ASMTL: variants seen among roughly 807,000 people sequenced by gnomAD.
ASMTL encodes the protein probable bifunctional dTTP/UTP pyrophosphatase/methyltransferase protein.
A neutral mutation model predicts 60.3 loss-of-function variants in ASMTL; 57 were observed. That is an observed-to-expected ratio of 0.95 (90% confidence interval 0.76 to 1.18). ASMTL has a LOEUF of 1.18. Among genes scored for constraint, ASMTL ranks in the 50% most tolerant of loss-of-function variants. ASMTL has a pLI of 0.00. For missense variants in ASMTL, 981 were observed against 852.6 expected (o/e 1.15, Z -1.88); for synonymous variants, 419 against 373.0 (o/e 1.12, Z -1.42).
intron 2 of ASMTL, chrX:1,441,864 T>A: frequency 3.1e-6 from 1 of 318,018 alleles, no homozygotes. Flanking sequence ...TCATAAATGA[T>A]ACTGTATCAA....
chrX:1,436,552 C>A (rs1266929230), intron 3 of ASMTL, among the ~76,000 whole-genome samples: 1 of 152,140 alleles, frequency 6.6e-6, no homozygotes, highest in African/African-American at 2.4e-5. Context: ...CGGGGTTTCA[C>A]CATGTTGGCC....
chrX:1,444,362 C>T (rs1319031791), intron 1 of ASMTL, among the ~76,000 whole-genome samples: 8 of 151,918 alleles, frequency 5.3e-5, no homozygotes, highest in Non-Finnish European at 1.2e-4. Context: ...GTGGGCGCCA[C>T]CACACCCGGC....
intron 7 of ASMTL, 100 bp downstream of exon 7, chrX:1,427,634 C>T (rs1194106014): frequency 7.5e-7 from 1 of 1,330,342 alleles, no homozygotes; most frequent in African/African-American, 1.5e-5. Context: ...TGACCTCAGA[C>T]TGCCAGCCTC....
chrX:1,439,134 C>T lies in ASMTL; in HGVS notation c.236G>A (p.Arg79Gln), dbSNP rs746554233. 3.7e-5 allele frequency: 59 copies of T among 1,613,882 alleles called. 1 individual carries two copies. Among genetic ancestry groups the T allele is most frequent in the South Asian group, 2.1e-4 (19 of 91,078 alleles). Residue 79 changes from arginine (R) to glutamine (Q), a missense_variant, in exon 3 of 13, where the codon CGG becomes CAG. Arg to Gln is a conservative substitution (Grantham distance 43). Coordinates refer to ENST00000381317, the MANE Select transcript of ASMTL (RefSeq NM_004192.4). ...VANRLYQKDL[R>Q]APDVVIGADT... is the part of the protein sequence containing the mutation. ...CGCTCCAATGACCACGTCGGGGGCC[C>T]GCAGGTCTTTCTGTAAGAAAACCAG...
chrX:1,407,188 C>T (rs763519703), intron 12 of ASMTL, among the ~76,000 whole-genome samples: 2 of 135,608 alleles, frequency 1.5e-5, no homozygotes, highest in Admixed American at 1.5e-4. Context: ...TAGATGGATG[C>T]ATGGATGAGA....
At position 1,435,763 on chromosome X, in the gene ASMTL, G is replaced by A; in HGVS notation, c.274-5C>T. ...CAGAATCAGCCCCCCGACTGTCTGT[G>A]AGAGGAAGGGACAGAGGGAGTTGGT... On this transcript the variant is annotated splice_polypyrimidine_tract_variant and splice_region_variant and intron_variant, in intron 3 of 12. Coordinates refer to ENST00000381317, the MANE Select transcript of ASMTL (RefSeq NM_004192.4). 4 of 1,613,254 alleles carry A rather than the reference G, an allele frequency of 2.5e-6. No homozygotes were observed. Among genetic ancestry groups the A allele is most frequent in the Middle Eastern group, 3.4e-4 (2 of 5,858 alleles).
intron 3 of ASMTL, among the ~76,000 whole-genome samples, chrX:1,438,061 G>T (rs1414993181): frequency 2.0e-4 from 31 of 151,550 alleles, no homozygotes; most frequent in East Asian, 2.0e-4. Context: ...GGCTAAGGTG[G>T]GCAGATCACT....
rs777808259 is a variant in ASMTL at position 1,419,024 on chromosome X, C to T, written c.1336G>A (p.Ala446Thr). 3.7e-6 allele frequency: 6 copies of T among 1,611,726 alleles called. No homozygotes were observed. In the South Asian group the frequency reaches 5.5e-5, roughly 15 times the overall value. ...TKLTACQVAT[A>T]FNLSRFSSAC... ...GAGGAGAAGCGGGACAGATTGAAGG[C>T]CGTGGCCACCTGGCACGCAGTCAGC... is the stretch of plus-strand genomic sequence containing the variant. Residue 446 changes from alanine (A) to threonine (T), a missense_variant, in exon 10 of 13, where the codon GCC becomes ACC. Ala to Thr is a moderately conservative substitution (Grantham distance 58). Coordinates refer to ENST00000381317, the MANE Select transcript of ASMTL (RefSeq NM_004192.4).
chrX:1,417,067 C>CA (rs1421281981), intron 11 of ASMTL, among the ~76,000 whole-genome samples: 24 of 151,506 alleles, frequency 1.6e-4, no homozygotes, highest in African/African-American at 5.8e-4. Context: ...CATATCCACA[C>CA]AGACACACAC....
intron 12 of ASMTL, among the ~76,000 whole-genome samples, chrX:1,411,199 G>C (rs777780293): frequency 7.4e-4 from 103 of 140,014 alleles, no homozygotes; most frequent in African/African-American, 2.4e-3. Context: ...AAAAAAAGAA[G>C]AGAGATACAC....
rs760773939 is a variant in ASMTL at position 1,418,925 on chromosome X, G to A, written c.1378+57C>T. On this transcript the variant is annotated intron_variant, in intron 10 of 12. Coordinates refer to ENST00000381317, the MANE Select transcript of ASMTL (RefSeq NM_004192.4). ...GTTGGTAGGTGTCCTGAGCAGGGAAGATACCTGTGGCTTAATAAACGAAAG... is the reference window on the plus strand; with the variant it reads ...GTTGGTAGGTGTCCTGAGCAGGGAAAATACCTGTGGCTTAATAAACGAAAG... 1.1e-4 allele frequency: 172 copies of A among 1,607,714 alleles called. 1 individual carries two copies. In the African/African-American group the frequency reaches 1.9e-3, roughly 18 times the overall value.
At chrX:1,403,600 C>T in intron 12 of ASMTL, 111 bp from the exon 13 acceptor site, 2 of 996,918 alleles carry the variant, frequency 2.0e-6, no homozygotes, top group Admixed American at 3.9e-5. Context: ...GCAGAGGCTG[C>T]TGAGAACCCT....
intron 11 of ASMTL, 99 bp from the exon 12 acceptor site, chrX:1,412,953 C>G: frequency 7.4e-7 from 1 of 1,358,642 alleles, no homozygotes; most frequent in Non-Finnish European, 1.0e-6. Context: ...AAATCAGGGA[C>G]AGAGAAGAGA....
At chrX:1,411,575 T>TGTGTGTGTGTGCAC (rs2090022388) in intron 12 of ASMTL, among the ~76,000 whole-genome samples, 1 of 128,246 alleles carries the variant, frequency 7.8e-6, no homozygotes, top group South Asian at 2.4e-4. Flanking sequence ...TGGTGCGTGC[T>TGTGTGTGTGTGCAC]GTGTGTGTGT....
At chrX:1,420,960 ATTTT>A (rs57552675) in intron 9 of ASMTL, among the ~76,000 whole-genome samples, 6 of 135,482 alleles carry the variant, frequency 4.4e-5, no homozygotes, top group African/African-American at 5.6e-5. Context: ...CTAATCGTTA[ATTTT>A]TTTTTTTTTT....
At chrX:1,435,891 AAAC>A in intron 3 of ASMTL, 133 bp from the exon 4 acceptor site, 1 of 777,576 alleles carries the variant, frequency 1.3e-6, no homozygotes. Context: ...TCGCCATTTC[AAAC>A]AACTAACCAG....
intron 5 of ASMTL, among the ~76,000 whole-genome samples, chrX:1,432,874 G>T (rs1428923901): frequency 6.6e-6 from 1 of 152,302 alleles, no homozygotes; most frequent in Admixed American, 6.5e-5. Context: ...GAGGCGGATG[G>T]ATCACCAGAG....
At chrX:1,411,806 CTTTTTTTT>C (rs756437483) in intron 12 of ASMTL, among the ~76,000 whole-genome samples, 32 of 86,170 alleles carry the variant, frequency 3.7e-4, no homozygotes, top group South Asian at 1.1e-3. Context: ...TTAGGATTTT[CTTTTTTTT>C]TTTTTTTTTT....
rs1413979181 is a variant in ASMTL at position 1,442,320 on chromosome X, G to A, written c.94-3C>T. On this transcript the variant is annotated splice_region_variant and splice_polypyrimidine_tract_variant and intron_variant, in intron 1 of 12. Coordinates refer to ENST00000381317, the MANE Select transcript of ASMTL (RefSeq NM_004192.4). ...GGGACCACCTCAAACCTGAGACCCT[G>A]CAACAGTAGAAAAGGGGTCAGAAGG... 6 of 1,613,824 alleles carry A rather than the reference G, an allele frequency of 3.7e-6. No homozygotes were observed. Among genetic ancestry groups the A allele is most frequent in the Admixed American group, 3.3e-5 (2 of 59,982 alleles).
Sources: gnomAD v4.1 joint callset for allele counts (sites outside exome capture counted in the v4.1 genomes callset) on GRCh38, gnomAD v4.1.1 for gene constraint, MANE v1.5 for transcripts, NCBI Gene and HGNC (gene_info 2026-07-23, HGNC 2026-07-21) for gene names.